The following ERC2 variants were observed in gnomAD, a reference collection of about 807,000 sequenced individuals.
The protein encoded by ERC2 is ELKS/RAB6-interacting/CAST family member 2.
In ERC2, 42 loss-of-function variants were observed where a neutral mutation model predicts 114.8. That is an observed-to-expected ratio of 0.37 (90% CI 0.29 to 0.47). The LOEUF is 0.47. Among genes scored for constraint, ERC2 ranks in the 20% least tolerant of loss-of-function variants. The pLI, the probability that ERC2 is intolerant of heterozygous loss-of-function variation, is 0.99. For missense variants in ERC2, 939 were observed against 1,150.7 expected, an observed-to-expected ratio of 0.82 and a Z score of 2.66; for synonymous variants, 454 against 425.5, an observed-to-expected ratio of 1.07 and a Z score of -0.82.
At chr3:56,068,744 C>A (rs957862201) in intron 7 of ERC2, among the ~76,000 whole-genome samples, 1 of 152,136 alleles carries the variant, frequency 6.6e-6, no homozygotes, top group African/African-American at 2.4e-5. Flanking sequence ...GGTACATTAT[C>A]TCTTTGCTCT....
At position 56,129,096 on chromosome 3, in the gene ERC2, T is replaced by A. The variant is rs139422767; in HGVS notation, c.1473+10413A>T. Among the ~76,000 whole-genome samples, 38 of 152,290 alleles carry A rather than the reference T, an allele frequency of 2.5e-4. No individual in the cohort carries two copies. The East Asian group carries it at 7.3e-3, about 29-fold the overall frequency. ...ATCCTTAACTACACAACTTATTACCTCAAGTTGTATTCCTCCCTTTTTCTT... is the reference window on the plus strand; with the variant it reads ...ATCCTTAACTACACAACTTATTACCACAAGTTGTATTCCTCCCTTTTTCTT... On this transcript the variant is annotated intron_variant, in intron 6 of 17. Coordinates refer to ENST00000288221, the MANE Select transcript of ERC2 (RefSeq NM_015576.3).
chr3:56,252,021 T>G (rs554299082), intron 3 of ERC2, among the ~76,000 whole-genome samples: 1 of 152,136 alleles, frequency 6.6e-6, no homozygotes, highest in Non-Finnish European at 1.5e-5. Context: ...CTGGTCAAGT[T>G]CCATGGCAGG....
intron 17 of ERC2, among the ~76,000 whole-genome samples, chr3:55,682,110 C>T (rs2062084909): frequency 6.6e-6 from 1 of 152,146 alleles, no homozygotes. Flanking sequence ...CTATAAAACG[C>T]TTTCTTCTCA....
At chr3:56,234,510 T>C (rs1014742128) in intron 3 of ERC2, among the ~76,000 whole-genome samples, 3 of 152,206 alleles carry the variant, frequency 2.0e-5, no homozygotes, top group African/African-American at 7.2e-5. Context: ...GGCCCACAGT[T>C]CTTAACATTT....
chr3:56,173,315 C>T (rs2082782800), intron 4 of ERC2, 131 bp downstream of exon 4: 1 of 812,460 alleles, frequency 1.2e-6, no homozygotes, highest in Non-Finnish European at 2.0e-6. Context: ...TAAAAAAAAT[C>T]CAGAAGTAAA....
chr3:56,071,915 C>T (rs1262856570), intron 7 of ERC2, among the ~76,000 whole-genome samples: 1 of 152,142 alleles, frequency 6.6e-6, no homozygotes, highest in African/African-American at 2.4e-5. Flanking sequence ...GACTTCTGAC[C>T]AACAGTATCG....
chr3:56,318,305 G>C (rs2056964570), intron 2 of ERC2, among the ~76,000 whole-genome samples: 1 of 152,002 alleles, frequency 6.6e-6, no homozygotes, highest in African/African-American at 2.4e-5. Flanking sequence ...CCTCCCAAGT[G>C]GCTGGGACTA....
intron 2 of ERC2, among the ~76,000 whole-genome samples, chr3:56,382,983 C>T (rs981142894): frequency 9.2e-5 from 14 of 152,120 alleles, no homozygotes; most frequent in Middle Eastern, 3.2e-3. Context: ...TGCATCCTAC[C>T]AGTTGCCCAG....
In ERC2 at chr3:56,296,105, G is replaced by A. The variant is rs551910401; in HGVS notation, c.988C>T (p.Arg330Trp). ...KSLEDDNERT[R>W]RMAEAESQVS... is the part of the protein sequence containing the mutation. ...TGAGACTCAGCCTCTGCCATCCGCCGCGTTCGCTCATTGTCATCCTCCAGG... is the reference window on the plus strand; with the variant it reads ...TGAGACTCAGCCTCTGCCATCCGCCACGTTCGCTCATTGTCATCCTCCAGG... The change falls in exon 3 of 18, where the codon CGG becomes TGG. Residue 330 changes from arginine to tryptophan, a missense_variant. Transcript: ENST00000288221. 21 of 1,613,834 alleles carry A rather than the reference G, an allele frequency of 1.3e-5. No individual in the cohort carries two copies. Among genetic ancestry groups the A allele is most frequent in the Non-Finnish European group, 1.7e-5 (20 of 1,179,786 alleles).
intron 14 of ERC2, among the ~76,000 whole-genome samples, chr3:55,815,734 T>G (rs1295142276): frequency 6.6e-6 from 1 of 152,192 alleles, no homozygotes; most frequent in Non-Finnish European, 1.5e-5. Context: ...ACGCGGGGGA[T>G]TCCCCAGATG....
At chr3:56,452,920 C>T (rs562461549) in intron 1 of ERC2, among the ~76,000 whole-genome samples, 35 of 152,292 alleles carry the variant, frequency 2.3e-4, no homozygotes, top group Non-Finnish European at 4.4e-4. Context: ...TCAATATTGA[C>T]CACAGGCTCA....
intron 17 of ERC2, among the ~76,000 whole-genome samples, chr3:55,527,381 G>A (rs1024728647): frequency 2.6e-5 from 4 of 152,180 alleles, no homozygotes; most frequent in African/African-American, 9.6e-5. Context: ...TTTTTATTGT[G>A]GAGTTGTATG....
intron 3 of ERC2, among the ~76,000 whole-genome samples, chr3:56,224,414 G>A (rs920616385): frequency 3.9e-5 from 6 of 152,198 alleles, no homozygotes; most frequent in African/African-American, 1.4e-4. Flanking sequence ...TCAAGCTACA[G>A]CTTGAGTGGC....
chr3:55,833,547 AC>A (rs1203640936), intron 14 of ERC2, among the ~76,000 whole-genome samples: 1 of 152,234 alleles, frequency 6.6e-6, no homozygotes, highest in African/African-American at 2.4e-5. Flanking sequence ...TCCTTTACAG[AC>A]AAGCAAATGC....
At chr3:55,643,067 C>T (rs2060253316) in intron 17 of ERC2, among the ~76,000 whole-genome samples, 1 of 152,176 alleles carries the variant, frequency 6.6e-6, no homozygotes, top group African/African-American at 2.4e-5. Flanking sequence ...TCTGGAGAAA[C>T]TTTTCTGCAG....
chr3:56,049,704 A>G (rs983409819), intron 7 of ERC2, among the ~76,000 whole-genome samples: 6 of 152,114 alleles, frequency 3.9e-5, no homozygotes, highest in Non-Finnish European at 5.9e-5. Flanking sequence ...TCAGACTCCA[A>G]GTTCTTCAGC....
chr3:56,345,392 A>G (rs1343512574), intron 2 of ERC2, among the ~76,000 whole-genome samples: 3 of 152,200 alleles, frequency 2.0e-5, no homozygotes, highest in Non-Finnish European at 4.4e-5. Context: ...CATTGGGCCA[A>G]ACACTACCCA....
chr3:56,193,644 CAT>C (rs2047925563), intron 3 of ERC2, among the ~76,000 whole-genome samples: 1 of 152,032 alleles, frequency 6.6e-6, no homozygotes, highest in Non-Finnish European at 1.5e-5. Flanking sequence ...AGAATTTATG[CAT>C]AGTTTTTTTA....
intron 17 of ERC2, among the ~76,000 whole-genome samples, chr3:55,513,182 A>G (rs566315055): frequency 1.3e-5 from 2 of 152,332 alleles, no homozygotes; most frequent in Admixed American, 1.3e-4. Context: ...CATCCAGTCC[A>G]TAGTGCATTC....
Sources: allele counts gnomAD v4.1 joint callset (sites outside exome capture counted in the v4.1 genomes callset), GRCh38; gene constraint gnomAD v4.1.1; transcripts MANE v1.5; gene names NCBI Gene and HGNC (gene_info 2026-07-23, HGNC 2026-07-21).